GSDMA: variants seen among roughly 807,000 people sequenced by gnomAD.
GSDMA encodes the protein gasdermin A.
A neutral mutation model predicts 54.3 loss-of-function variants in GSDMA; 55 were observed. That is an observed-to-expected ratio of 1.01 (90% CI 0.82 to 1.27). GSDMA has a LOEUF of 1.27. Ranked by LOEUF, GSDMA falls within the 50% of genes most tolerant of loss-of-function variation. The pLI is 0.00. For missense variants in GSDMA, 542 were observed against 542.6 expected, an observed-to-expected ratio of 1.00 and a Z score of 0.01; for synonymous variants, 211 against 224.7, an observed-to-expected ratio of 0.94 and a Z score of 0.54.
intron 4 of GSDMA, 139 bp downstream of exon 4, chr17:39,970,786 C>A (rs1979904924): frequency 1.7e-6 from 1 of 593,296 alleles, no homozygotes; most frequent in Non-Finnish European, 2.4e-6. Flanking sequence ...TGAAAAGGGC[C>A]ACTCCTTCCC....
intron 6 of GSDMA, 132 bp from the exon 7 acceptor site, chr17:39,972,455 G>C (rs1367057479): frequency 1.2e-6 from 1 of 828,250 alleles, no homozygotes; most frequent in Non-Finnish European, 2.0e-6. Context: ...CCGAATCATG[G>C]GGGTGGATGA....
Position 39,977,204 on chromosome 17 carries a change from G to A in GSDMA, c.*146G>A. ...CACCCATGATAACCAACTTCCACCTGCCCAACCATATATCACCCCCTACCC... is the reference window on the plus strand; with the variant it reads ...CACCCATGATAACCAACTTCCACCTACCCAACCATATATCACCCCCTACCC... On this transcript the variant is annotated 3_prime_UTR_variant, in exon 12 of 12. Transcript: ENST00000301659. 1 of 906,418 alleles carries A rather than the reference G, an allele frequency of 1.1e-6. No individual in the cohort carries two copies. 56.1% of individuals were successfully genotyped at this position (906,418 alleles called of 1,614,324 possible).
At chr17:39,971,728 G>A in intron 5 of GSDMA, 108 bp downstream of exon 5, 2 of 770,216 alleles carry the variant, frequency 2.6e-6, no homozygotes, top group South Asian at 1.6e-5. Flanking sequence ...GTAGGGGGGT[G>A]TATTGTACTG....
chr17:39,970,717 A>T lies in GSDMA; in HGVS notation c.558+70A>T, dbSNP rs999329099. Reference sequence around the variant, plus strand: ...CTCACACTCACACATACACATTTACATTCAGCCCCTCCTTGGAGGCTTCAT... The same window carrying T: ...CTCACACTCACACATACACATTTACTTTCAGCCCCTCCTTGGAGGCTTCAT... On this transcript the variant is annotated intron_variant, in intron 4 of 11. Coordinates refer to ENST00000301659, the MANE Select transcript of GSDMA (RefSeq NM_178171.5). The T allele has an allele frequency of 2.3e-6, 3 of 1,286,800 alleles. No individual in the cohort carries two copies. In the Admixed American group the frequency reaches 1.2e-4, roughly 49 times the overall value. 79.7% of individuals were successfully genotyped at this position (1,286,800 alleles called of 1,614,324 possible).
chr17:39,966,539 C>T (rs973712341), intron 3 of GSDMA, 102 bp downstream of exon 3: 38 of 1,073,224 alleles, frequency 3.5e-5, no homozygotes, highest in Non-Finnish European at 4.9e-5. Flanking sequence ...CTTGCACTGA[C>T]CTTTGCCAAT....
intron 6 of GSDMA, 100 bp downstream of exon 6, chr17:39,972,276 C>T: frequency 1.2e-6 from 1 of 837,160 alleles, no homozygotes; most frequent in Non-Finnish European, 1.9e-6. Context: ...TATAATCCCC[C>T]AAGGAGCCTC....
chr17:39,966,024 G>T, intron 2 of GSDMA, 123 bp downstream of exon 2: 1 of 929,170 alleles, frequency 1.1e-6, no homozygotes, highest in South Asian at 1.6e-5. Context: ...CTAGCCCAAA[G>T]TCATCATCAG....
intron 5 of GSDMA, 115 bp from the exon 6 acceptor site, chr17:39,972,014 G>A: frequency 1.5e-6 from 1 of 651,222 alleles, no homozygotes; most frequent in Non-Finnish European, 2.7e-6. Context: ...ATTAAATGAA[G>A]CATTTGGGGT....
intron 1 of GSDMA, 60 bp from the exon 2 acceptor site, chr17:39,965,623 C>T (rs1041420146): frequency 2.0e-5 from 26 of 1,309,546 alleles, no homozygotes; most frequent in East Asian, 1.2e-4. Context: ...GCCTATATCC[C>T]GGGCTCCTTG....
intron 10 of GSDMA, among the ~76,000 whole-genome samples, 184 bp from the exon 11 acceptor site, chr17:39,975,740 T>C (rs1046434394): frequency 3.3e-5 from 5 of 152,268 alleles, no homozygotes; most frequent in Non-Finnish European, 7.4e-5. Flanking sequence ...AAAACGTTTG[T>C]TCCCTTAGGA....
chr17:39,974,523 G>A lies in GSDMA; in HGVS notation c.906+96G>A, dbSNP rs931995353. The A allele has an allele frequency of 6.2e-5, 84 of 1,350,410 alleles. No homozygotes were observed. In the Middle Eastern group the frequency reaches 1.8e-3, roughly 30 times the overall value. The allele number at this position is 1,350,410 out of a possible 1,614,324, so 83.7% of individuals were successfully genotyped here. On this transcript the variant is annotated intron_variant, in intron 9 of 11. Transcript: ENST00000301659. Reference sequence around the variant, plus strand: ...ATTGCAGCAGGTAGGGAGATCTGACGGGGGCAGGAGGTGGGTGGCCAGGGG... The same window carrying A: ...ATTGCAGCAGGTAGGGAGATCTGACAGGGGCAGGAGGTGGGTGGCCAGGGG...
Position 39,965,910 on chromosome 17 carries a change from C to A in GSDMA, c.214+9C>A, listed in dbSNP as rs990466907. On this transcript the variant is annotated intron_variant, in intron 2 of 11. Transcript: ENST00000301659. The stretch of plus-strand genomic sequence containing the variant: ...CGGCAGCTCACCTTCAGGTCAGCCT[C>A]AAGCGGGGCTGGGAACTGAGGGATA... 2 of 1,550,770 alleles carry A rather than the reference C, an allele frequency of 1.3e-6. No individual in the cohort carries two copies. The highest frequency in any genetic ancestry group is 8.7e-7 in the Non-Finnish European group (1 of 1,147,186).
chr17:39,964,782 C>T (rs1979560574), intron 1 of GSDMA, among the ~76,000 whole-genome samples: 1 of 152,088 alleles, frequency 6.6e-6, no homozygotes, highest in Non-Finnish European at 1.5e-5. Flanking sequence ...TCCTCCGACT[C>T]TGGCTATTGC....
chr17:39,964,104 T>G (rs1598301102), intron 1 of GSDMA, among the ~76,000 whole-genome samples: 1 of 152,170 alleles, frequency 6.6e-6, no homozygotes, highest in Admixed American at 6.5e-5. Flanking sequence ...CAAAGGAAGG[T>G]GCATCAGAAG....
At chr17:39,974,565 C>A in intron 9 of GSDMA, 138 bp downstream of exon 9, 1 of 948,276 alleles carries the variant, frequency 1.1e-6, no homozygotes, top group Non-Finnish European at 1.5e-6. Context: ...CCTTAGATAC[C>A]TTCCCCAAGG....
At position 39,975,984 on chromosome 17, in the gene GSDMA, T is replaced by C. The variant is rs372615848; in HGVS notation, c.1082T>C (p.Val361Ala). The change falls in exon 11 of 12, where the codon GTG becomes GCG. Residue 361 changes from valine to alanine, a missense_variant. Coordinates refer to ENST00000301659, the MANE Select transcript of GSDMA (RefSeq NM_178171.5). ...TCCATGGAGAAAAAGATCCTACCCG[T>C]GCAGCTAAAGCTGGTGAGGGAAAAA... Reference protein sequence around the residue: ...VKSMEKKILPVQLKLVESTME... With the variant: ...VKSMEKKILPAQLKLVESTME... 1.9e-5 allele frequency: 31 copies of C among 1,595,094 alleles called. No individual in the cohort carries two copies. Among genetic ancestry groups the C allele is most frequent in the African/African-American group, 4.0e-5 (3 of 74,504 alleles).
chr17:39,977,026 T>G lies in GSDMA; in HGVS notation c.1306T>G (p.Ser436Ala). 6.2e-7 allele frequency: 1 copy of G among 1,613,936 alleles called. No individual in the cohort carries two copies. Among genetic ancestry groups the G allele is most frequent in the Non-Finnish European group, 8.5e-7 (1 of 1,179,888 alleles). The change falls in exon 12 of 12, where the codon TCT (serine) becomes GCT (alanine). Residue 436 changes from serine to alanine, a missense_variant. By Grantham distance (99) the Ser-to-Ala change is moderately conservative. Transcript: ENST00000301659. ...PRLCALYAGL[S>A]LLQQLTKAS is the part of the protein sequence containing the mutation. ...CCTCTGTGCTCTTTATGCAGGCCTC[T>G]CTCTCCTTCAGCAGCTTACCAAGGC...
At chr17:39,975,122 C>G (rs962366210) in intron 10 of GSDMA, 108 bp downstream of exon 10, 2 of 715,708 alleles carry the variant, frequency 2.8e-6, no homozygotes, top group African/African-American at 3.6e-5. Flanking sequence ...CAAATTATAC[C>G]ACAGTTAAGT....
chr17:39,969,883 T>C (rs1979850337), intron 3 of GSDMA, among the ~76,000 whole-genome samples: 1 of 96,280 alleles, frequency 1.0e-5, no homozygotes, highest in African/African-American at 4.4e-5. Context: ...TTTTTTGATA[T>C]ATTTGCCAAT....
Sources: gnomAD v4.1 joint callset for allele counts (sites outside exome capture counted in the v4.1 genomes callset) on GRCh38, gnomAD v4.1.1 for gene constraint, MANE v1.5 for transcripts, NCBI Gene and HGNC (gene_info 2026-07-23, HGNC 2026-07-21) for gene names.